The following PLCH1 variants were observed in gnomAD, a reference collection of about 807,000 sequenced individuals.
The protein encoded by PLCH1 is 1-phosphatidylinositol 4,5-bisphosphate phosphodiesterase eta-1.
A neutral mutation model predicts 126.7 loss-of-function variants in PLCH1; 60 were observed. The observed-to-expected ratio is 0.47, with a 90% CI of 0.38 to 0.59. The LOEUF is 0.59. Among genes scored for constraint, PLCH1 ranks in the 20% least tolerant of loss-of-function variants. PLCH1 has a pLI of 0.00. For synonymous variants in PLCH1, 719 were observed against 734.9 expected, an observed-to-expected ratio of 0.98 and a Z score of 0.35; for missense variants, 1,723 against 2,040.0, an observed-to-expected ratio of 0.84 and a Z score of 2.99.
At chr3:155,458,385 AGAAGGAAG>A (rs781003032) in intron 21 of PLCH1, among the ~76,000 whole-genome samples, 1,871 of 38,740 alleles carry the variant, frequency 0.048, 127 homozygotes, top group Middle Eastern at 0.07. Flanking sequence ...AAAGAAAGAA[AGAAGGAAG>A]GAAGGAAGGA....
Position 155,565,042 on chromosome 3 carries a change from A to G in PLCH1, c.942T>C (p.Asp314=), listed in dbSNP as rs546693045. The stretch of plus-strand genomic sequence containing the variant: ...CAATGTAGTAGTTGCAGAGGGGCTG[A>G]TCCATGTCTTGGTACACTTCATGGT... ...PLHHEVYQDM[D]QPLCNYYIAS... Residue 314 remains aspartate, a synonymous_variant, in exon 8 of 23, where the codon GAT becomes GAC. Transcript: ENST00000460012. The G allele has an allele frequency of 4.3e-4, 689 of 1,613,392 alleles. 7 individuals carry two copies. In the South Asian group the frequency reaches 7.2e-3, roughly 17 times the overall value.
At chr3:155,476,230 A>C (rs1373176522), downstream of PLCH1, among the ~76,000 whole-genome samples, 1 of 152,170 alleles carries the variant, frequency 6.6e-6, no homozygotes, top group Non-Finnish European at 1.5e-5. Flanking sequence ...TTGATGCTGA[A>C]AAAGTATTTG....
intron 6 of PLCH1, among the ~76,000 whole-genome samples, chr3:155,575,920 A>G (rs1406533641): frequency 6.6e-6 from 1 of 152,180 alleles, no homozygotes; most frequent in Non-Finnish European, 1.5e-5. Flanking sequence ...AGCTGGGATT[A>G]CAGGGGCAAA....
chr3:155,459,317 GA>G (rs1712627044), intron 21 of PLCH1, among the ~76,000 whole-genome samples: 1 of 152,128 alleles, frequency 6.6e-6, no homozygotes, highest in Non-Finnish European at 1.5e-5. Flanking sequence ...TATCAAACAA[GA>G]ACCAGAGAAA....
rs369628879 is a variant in PLCH1 at position 155,593,890 on chromosome 3, G to A, written c.470+51C>T. ...ATCCTTACTTCACAAATGCACACAC[G>A]CATACACAGAGAGCAAGAGAGAGCT... On this transcript the variant is annotated intron_variant, in intron 4 of 22. Coordinates refer to ENST00000460012, the MANE Select transcript of PLCH1 (RefSeq NM_014996.4). The A allele has an allele frequency of 3.9e-5, 62 of 1,573,442 alleles. No homozygotes were observed. Among genetic ancestry groups the A allele is most frequent in the Middle Eastern group, 1.8e-4 (1 of 5,704 alleles).
chr3:155,472,143 GT>G (rs987710425), intron 21 of PLCH1, among the ~76,000 whole-genome samples: 1 of 152,100 alleles, frequency 6.6e-6, no homozygotes, highest in Non-Finnish European at 1.5e-5. Context: ...CCAGGAGCTG[GT>G]TTTTTGAAAG....
chr3:155,469,015 T>C (rs1713044216), intron 21 of PLCH1, among the ~76,000 whole-genome samples: 1 of 152,166 alleles, frequency 6.6e-6, no homozygotes, highest in South Asian at 2.1e-4. Flanking sequence ...AGACCATATG[T>C]TAGGTCACAA....
At chr3:155,582,075 C>CTTTTTTTTTTTTTTTTTTTTTTTTTTTTT (rs869254665) in intron 6 of PLCH1, among the ~76,000 whole-genome samples, 3 of 64,120 alleles carry the variant, frequency 4.7e-5, no homozygotes, top group East Asian at 4.7e-4. Context: ...TCTTTTCTTT[C>CTTTTTTTTTTTTTTTTTTTTTTTTTTTTT]TTTTTTTTTT....
intron 21 of PLCH1, among the ~76,000 whole-genome samples, chr3:155,451,042 T>C (rs1712295957): frequency 3.9e-5 from 6 of 152,074 alleles, no homozygotes; most frequent in Admixed American, 3.9e-4. Context: ...AATGCCCAAA[T>C]CTATGACAAG....
chr3:155,532,632 C>T (rs1262668390), intron 10 of PLCH1, among the ~76,000 whole-genome samples: 1 of 152,212 alleles, frequency 6.6e-6, no homozygotes, highest in Non-Finnish European at 1.5e-5. Context: ...TTCACACTCA[C>T]TCTTCTCTCT....
intron 10 of PLCH1, among the ~76,000 whole-genome samples, chr3:155,546,029 T>G (rs1725221219): frequency 6.6e-6 from 1 of 152,110 alleles, no homozygotes; most frequent in South Asian, 2.1e-4. Context: ...TGTTGGAAGT[T>G]CTGGCCAGGG....
chr3:155,693,540 T>G (rs1745572954), intron 2 of PLCH1, among the ~76,000 whole-genome samples: 1 of 152,232 alleles, frequency 6.6e-6, no homozygotes, highest in East Asian at 1.9e-4. Flanking sequence ...TAGACTATTT[T>G]TCCCATCTTT....
chr3:155,545,655 C>A lies in PLCH1; in HGVS notation c.1362+4132G>T, dbSNP rs980094766. 7.8e-4 allele frequency among the ~76,000 whole-genome samples: 118 copies of A among 152,240 alleles called. 2 individuals carry two copies. The highest frequency in any genetic ancestry group is 2.0e-4 in the Admixed American group (3 of 15,290). On this transcript the variant is annotated intron_variant, in intron 10 of 22. Transcript: ENST00000460012. ...AAATTCTCAATAAAATACTGGCAAA[C>A]CGAATCCAGCAGCACATCAAAAAGC...
intron 13 of PLCH1, among the ~76,000 whole-genome samples, chr3:155,502,267 T>G (rs1718020663): frequency 1.3e-5 from 2 of 151,930 alleles, no homozygotes; most frequent in South Asian, 4.2e-4. Context: ...AACATCTATT[T>G]CAAAGGATTA....
At chr3:155,686,295 C>T (rs1449519981) in intron 2 of PLCH1, among the ~76,000 whole-genome samples, 1 of 152,034 alleles carries the variant, frequency 6.6e-6, no homozygotes, top group Non-Finnish European at 1.5e-5. Flanking sequence ...CAGACAGGGG[C>T]CATTTGTAGT....
At chr3:155,485,303 A>G in intron 22 of PLCH1, 53 bp downstream of exon 22, 1 of 1,095,980 alleles carries the variant, frequency 9.1e-7, no homozygotes, top group Non-Finnish European at 1.3e-6. Context: ...GTAAACAGGG[A>G]CTGACATGCA....
At chr3:155,515,501 A>G (rs1426968258) in intron 11 of PLCH1, among the ~76,000 whole-genome samples, 1 of 152,208 alleles carries the variant, frequency 6.6e-6, no homozygotes, top group Non-Finnish European at 1.5e-5. Flanking sequence ...GTTAGGGGGA[A>G]CCCCAATTAT....
intron 21 of PLCH1, among the ~76,000 whole-genome samples, chr3:155,463,346 C>T (rs1712800381): frequency 6.6e-6 from 1 of 152,202 alleles, no homozygotes; most frequent in Admixed American, 6.5e-5. Flanking sequence ...TTTATCTCAG[C>T]ACCTCTACCA....
intron 1 of PLCH1, among the ~76,000 whole-genome samples, chr3:155,725,686 C>T (rs192840101): frequency 1.2e-4 from 18 of 152,174 alleles, no homozygotes; most frequent in Admixed American, 5.2e-4. Context: ...GTGATCTGCC[C>T]GCCTCAGCCT....
Sources: allele counts gnomAD v4.1 joint callset (sites outside exome capture counted in the v4.1 genomes callset), GRCh38; gene constraint gnomAD v4.1.1; transcripts MANE v1.5; gene names NCBI Gene and HGNC (gene_info 2026-07-23, HGNC 2026-07-21).